XYLT1: variants seen among roughly 807,000 people sequenced by gnomAD.
The protein encoded by XYLT1 is beta-D-xylosyltransferase 1.
In XYLT1, 36 loss-of-function variants were observed where a neutral mutation model predicts 91.3. That is an observed-to-expected ratio of 0.39 (90% CI 0.30 to 0.52). XYLT1 has a LOEUF of 0.52. Among genes scored for constraint, XYLT1 ranks in the 20% least tolerant of loss-of-function variants. The probability of loss-of-function intolerance (pLI) is 0.68; values close to 1 mark genes in which losing one functional copy is unlikely to be tolerated. For missense variants in XYLT1, 1,242 were observed against 1,284.5 expected, an observed-to-expected ratio of 0.97 and a Z score of 0.51; for synonymous variants, 588 against 532.0, an observed-to-expected ratio of 1.11 and a Z score of -1.45.
At chr16:17,454,396 T>C (rs2036707846) in intron 1 of XYLT1, among the ~76,000 whole-genome samples, 1 of 152,218 alleles carries the variant, frequency 6.6e-6, no homozygotes, top group Admixed American at 6.5e-5. Context: ...ACAGGCCAGA[T>C]AGTAAATGTT....
rs544449334 is a variant in XYLT1 at position 17,373,262 on chromosome 16, T to C, written c.364-15212A>G. The stretch of plus-strand genomic sequence containing the variant: ...CAAGCAAAAGCTCTGGCATCCCAAG[T>C]TGTGGCGTCTGAGAAACCAGTAATC... On this transcript the variant is annotated intron_variant, in intron 1 of 11. Transcript: ENST00000261381. 1.2e-4 allele frequency among the ~76,000 whole-genome samples: 19 copies of C among 152,298 alleles called. No homozygotes were observed. In the East Asian group the frequency reaches 2.9e-3, roughly 23 times the overall value.
chr16:17,248,522 AC>A (rs1331827319), intron 3 of XYLT1, among the ~76,000 whole-genome samples: 1 of 151,992 alleles, frequency 6.6e-6, no homozygotes, highest in African/African-American at 2.4e-5. Flanking sequence ...GAGCAGATTA[AC>A]CTTTTTGCTT....
chr16:17,164,066 A>AG (rs2031621544), intron 5 of XYLT1, among the ~76,000 whole-genome samples: 1 of 147,426 alleles, frequency 6.8e-6, no homozygotes, highest in Non-Finnish European at 1.5e-5. Context: ...AAAAAAAAAA[A>AG]AAAGAAAGAC....
chr16:17,326,278 T>G (rs1018136349), intron 2 of XYLT1, among the ~76,000 whole-genome samples: 6 of 152,206 alleles, frequency 3.9e-5, no homozygotes, highest in Non-Finnish European at 8.8e-5. Flanking sequence ...CTTGCAGAAC[T>G]GAAACTTTAT....
At chr16:17,375,909 C>T (rs1448135621) in intron 1 of XYLT1, among the ~76,000 whole-genome samples, 1 of 152,256 alleles carries the variant, frequency 6.6e-6, no homozygotes, top group East Asian at 1.9e-4. Context: ...GATGTATGTG[C>T]AGGGGGAGGT....
Position 17,470,596 on chromosome 16 carries a change from G to A in XYLT1, c.201C>T (p.Arg67=). ...CAGCCGGCTCGGCGGGCAGGTCCCG[G>A]CGCTCCCGGCGCGGGGCCGGGGCCG... The part of the protein sequence containing the change: ...PPPAPAPRRE[R]RDLPAEPAAA... Residue 67 remains arginine (R), a synonymous_variant, in exon 1 of 12, where the codon CGC becomes CGT. Transcript: ENST00000261381. The A allele has an allele frequency of 8.6e-7, 1 of 1,167,122 alleles. No homozygotes were observed. Among genetic ancestry groups the A allele is most frequent in the Non-Finnish European group, 1.1e-6 (1 of 947,714 alleles). 72.3% of individuals were successfully genotyped at this position (1,167,122 alleles called of 1,614,324 possible). A position where few individuals can be genotyped will look rare whatever the true frequency, so the allele number is the denominator to read the frequency against.
chr16:17,457,433 G>A (rs906728142), intron 1 of XYLT1, among the ~76,000 whole-genome samples: 4 of 152,138 alleles, frequency 2.6e-5, no homozygotes, highest in Non-Finnish European at 5.9e-5. Context: ...CTAAAAGAAA[G>A]CCAAACAGCA....
intron 1 of XYLT1, among the ~76,000 whole-genome samples, chr16:17,465,979 T>A (rs1296001736): frequency 6.6e-6 from 1 of 152,148 alleles, no homozygotes; most frequent in African/African-American, 2.4e-5. Flanking sequence ...AACCCAGGTA[T>A]GTCAGGCCTG....
At chr16:17,175,084 G>A (rs935512726) in intron 5 of XYLT1, among the ~76,000 whole-genome samples, 67 of 152,128 alleles carry the variant, frequency 4.4e-4, no homozygotes, top group Admixed American at 2.0e-4. Context: ...ATATTTTAAT[G>A]TTATTATTTA....
At chr16:17,313,147 G>C (rs1367306101) in intron 2 of XYLT1, among the ~76,000 whole-genome samples, 1 of 152,216 alleles carries the variant, frequency 6.6e-6, no homozygotes, top group Non-Finnish European at 1.5e-5. Context: ...TCTCGGGACT[G>C]GCCTGGGCTG....
At chr16:17,329,768 A>T (rs1176750332) in intron 2 of XYLT1, among the ~76,000 whole-genome samples, 1 of 152,214 alleles carries the variant, frequency 6.6e-6, no homozygotes, top group South Asian at 2.1e-4. Context: ...TGGACACAGA[A>T]GAGGCAGTTA....
chr16:17,306,995 C>T (rs767485004), intron 2 of XYLT1, among the ~76,000 whole-genome samples: 20 of 151,916 alleles, frequency 1.3e-4, no homozygotes, highest in East Asian at 3.9e-4. Flanking sequence ...CACGTACTGG[C>T]GGTTACTCAC....
At chr16:17,225,552 C>T (rs1303845183) in intron 3 of XYLT1, among the ~76,000 whole-genome samples, 11 of 151,584 alleles carry the variant, frequency 7.3e-5, no homozygotes, top group Admixed American at 2.6e-4. Flanking sequence ...TTGCCACCTG[C>T]GAGCTGCTTG....
At chr16:17,120,768 T>A (rs1411711055) in intron 10 of XYLT1, among the ~76,000 whole-genome samples, 2 of 152,178 alleles carry the variant, frequency 1.3e-5, no homozygotes, top group African/African-American at 4.8e-5. Context: ...GTCTCTAGTG[T>A]CTGAAACAGT....
chr16:17,151,620 G>A (rs1567297709), intron 6 of XYLT1, among the ~76,000 whole-genome samples: 1 of 152,138 alleles, frequency 6.6e-6, no homozygotes, highest in Non-Finnish European at 1.5e-5. Flanking sequence ...GATAATCAGT[G>A]GCACATGTAC....
At chr16:17,240,067 G>C (rs1250608983) in intron 3 of XYLT1, among the ~76,000 whole-genome samples, 1 of 152,142 alleles carries the variant, frequency 6.6e-6, no homozygotes, top group Non-Finnish European at 1.5e-5. Flanking sequence ...ACAAATACAT[G>C]CATATTAATA....
At chr16:17,272,280 A>G (rs1207695579) in intron 2 of XYLT1, among the ~76,000 whole-genome samples, 1 of 146,390 alleles carries the variant, frequency 6.8e-6, no homozygotes, top group Non-Finnish European at 1.5e-5. Context: ...CTCCCACCTC[A>G]GCCTCCCAAG....
In XYLT1 at chr16:17,101,931, G is replaced by GCCAA. The variant is rs1158577210; in HGVS notation, c.*6760_*6763dup. ...GTAAAGAGGAAAGGAAAACACGTTT[G>GCCAA]CCAACCAACCAACCAGTTGGGTATA... On this transcript the variant is annotated 3_prime_UTR_variant, in exon 12 of 12. Transcript: ENST00000261381. 1.3e-5 allele frequency: 2 copies of GCCAA among 152,226 alleles called. No individual in the cohort carries two copies. The highest frequency in any genetic ancestry group is 2.4e-5 in the African/African-American group (1 of 41,456). The allele number at this position is 152,226 out of a possible 1,614,324, so 9.4% of individuals were successfully genotyped here.
chr16:17,337,368 T>G (rs1300402598), intron 2 of XYLT1, among the ~76,000 whole-genome samples: 1 of 152,084 alleles, frequency 6.6e-6, no homozygotes, highest in Non-Finnish European at 1.5e-5. Flanking sequence ...TTTATAGAGA[T>G]GAGAGGGGGT....
Sources: gnomAD v4.1 joint callset for allele counts (sites outside exome capture counted in the v4.1 genomes callset) on GRCh38, gnomAD v4.1.1 for gene constraint, MANE v1.5 for transcripts, NCBI Gene and HGNC (gene_info 2026-07-23, HGNC 2026-07-21) for gene names.